The following ARHGAP24 variants were observed in gnomAD, a reference collection of about 807,000 sequenced individuals.
ARHGAP24 encodes rho GTPase-activating protein 24.
Under a neutral mutation model 76.4 loss-of-function variants are expected in ARHGAP24, and 50 were observed. The observed-to-expected ratio is 0.65, with a 90% CI of 0.52 to 0.83. The LOEUF is 0.83. ARHGAP24 is among the 40% of genes least tolerant of loss of function. The pLI is 0.00. For synonymous variants in ARHGAP24, 345 were observed against 323.3 expected (o/e 1.07, Z -0.72); for missense variants, 930 against 914.2 (o/e 1.02, Z -0.22).
At chr4:85,793,847 T>C (rs1376293734) in intron 3 of ARHGAP24, among the ~76,000 whole-genome samples, 1 of 152,188 alleles carries the variant, frequency 6.6e-6, no homozygotes, top group Non-Finnish European at 1.5e-5. Context: ...TGTGATTCAT[T>C]GTAAGCATAA....
intron 3 of ARHGAP24, among the ~76,000 whole-genome samples, chr4:85,889,264 G>A (rs1019597654): frequency 6.6e-6 from 1 of 152,182 alleles, no homozygotes; most frequent in African/African-American, 2.4e-5. Context: ...TTCCTGCTGA[G>A]AAAATGTTTA....
At chr4:85,942,649 G>A (rs1054441417) in intron 5 of ARHGAP24, among the ~76,000 whole-genome samples, 4 of 151,816 alleles carry the variant, frequency 2.6e-5, no homozygotes, top group African/African-American at 4.8e-5. Flanking sequence ...TTGAAATATT[G>A]GCAATGTAAT....
At chr4:85,672,784 T>C (rs1469233033) in intron 2 of ARHGAP24, among the ~76,000 whole-genome samples, 1 of 152,160 alleles carries the variant, frequency 6.6e-6, no homozygotes, top group Non-Finnish European at 1.5e-5. Flanking sequence ...AAAGGAGAAA[T>C]GGGAAATGCT....
chr4:85,908,534 A>G (rs754704038), intron 3 of ARHGAP24, among the ~76,000 whole-genome samples: 18 of 152,232 alleles, frequency 1.2e-4, no homozygotes, highest in Non-Finnish European at 2.1e-4. Context: ...AAAGGTACAC[A>G]TATCATTTAT....
At chr4:85,643,234 G>GTGTGTGTTTTTTTTTTTTT (rs1721592505) in intron 2 of ARHGAP24, among the ~76,000 whole-genome samples, 1 of 54,610 alleles carries the variant, frequency 1.8e-5, no homozygotes, top group African/African-American at 5.9e-5. Context: ...GTTTTTTTGT[G>GTGTGTGTTTTTTTTTTTTT]TTTTTTTTTT....
intron 2 of ARHGAP24, among the ~76,000 whole-genome samples, chr4:85,673,994 T>C (rs1321213788): frequency 6.6e-6 from 1 of 151,860 alleles, no homozygotes; most frequent in African/African-American, 2.4e-5. Context: ...TAATGTGTTG[T>C]TAATAATGCA....
intron 5 of ARHGAP24, 45 bp from the exon 6 acceptor site, chr4:85,971,989 GTA>G (rs748791387): frequency 1.2e-6 from 2 of 1,613,462 alleles, no homozygotes; most frequent in East Asian, 4.5e-5. Flanking sequence ...AAATAGAATG[GTA>G]TGAAGTTTAC....
At chr4:85,709,908 A>G (rs1724461396) in intron 2 of ARHGAP24, among the ~76,000 whole-genome samples, 1 of 152,234 alleles carries the variant, frequency 6.6e-6, no homozygotes, top group Admixed American at 6.5e-5. Context: ...CATGGATAGG[A>G]AGAACTAATA....
At chr4:85,574,686 T>A (rs1727299100) in intron 2 of ARHGAP24, among the ~76,000 whole-genome samples, 1 of 152,246 alleles carries the variant, frequency 6.6e-6, no homozygotes, top group African/African-American at 2.4e-5. Flanking sequence ...AAAGGAATCA[T>A]GACAGTTGTT....
chr4:85,629,949 T>A (rs542311134), intron 2 of ARHGAP24, among the ~76,000 whole-genome samples: 1 of 152,256 alleles, frequency 6.6e-6, no homozygotes, highest in East Asian at 1.9e-4. Flanking sequence ...CTTTCTCTGC[T>A]TCTTCTTTGG....
intron 7 of ARHGAP24, among the ~76,000 whole-genome samples, chr4:85,975,934 T>C (rs1739293279): frequency 6.6e-6 from 1 of 152,212 alleles, no homozygotes; most frequent in Non-Finnish European, 1.5e-5. Flanking sequence ...GTGATGATTA[T>C]ACTTAGAAGC....
intron 2 of ARHGAP24, among the ~76,000 whole-genome samples, chr4:85,613,398 C>T (rs1431459748): frequency 6.6e-6 from 1 of 152,098 alleles, no homozygotes; most frequent in East Asian, 1.9e-4. Context: ...TTATTAAATG[C>T]CTATTAGGTG....
chr4:85,738,308 C>T (rs1000024584), intron 3 of ARHGAP24, among the ~76,000 whole-genome samples: 1 of 151,562 alleles, frequency 6.6e-6, no homozygotes, highest in Non-Finnish European at 1.5e-5. Flanking sequence ...TGACCATTTG[C>T]ATATATCTCC....
intron 4 of ARHGAP24, among the ~76,000 whole-genome samples, chr4:85,931,414 G>A (rs926752997): frequency 2.1e-4 from 32 of 152,058 alleles, no homozygotes; most frequent in African/African-American, 7.2e-4. Context: ...CAGGGCCCTC[G>A]CAAATCCCTG....
At chr4:85,753,219 G>T (rs1042376466) in intron 3 of ARHGAP24, among the ~76,000 whole-genome samples, 10 of 152,270 alleles carry the variant, frequency 6.6e-5, no homozygotes, top group African/African-American at 2.4e-4. Flanking sequence ...AAATTGTATA[G>T]AGATGTTCTA....
At chr4:85,850,402 C>G (rs149281050) in intron 3 of ARHGAP24, among the ~76,000 whole-genome samples, 1 of 151,998 alleles carries the variant, frequency 6.6e-6, no homozygotes, top group Non-Finnish European at 1.5e-5. Flanking sequence ...AAAACCAGTT[C>G]GTGGATTCAT....
chr4:85,665,461 C>T (rs534972337), intron 2 of ARHGAP24, among the ~76,000 whole-genome samples: 131 of 152,126 alleles, frequency 8.6e-4, no homozygotes, highest in Non-Finnish European at 1.2e-3. Flanking sequence ...GTCTTGACTC[C>T]TTATCCAATT....
intron 2 of ARHGAP24, among the ~76,000 whole-genome samples, chr4:85,608,622 A>G (rs1156366172): frequency 7.8e-6 from 1 of 128,940 alleles, no homozygotes; most frequent in African/African-American, 3.0e-5. Flanking sequence ...CAATGGCATG[A>G]TCTCAGCTCA....
rs114781274 is a variant in ARHGAP24, at chr4:85,886,015, A to T, written c.269-37633A>T. Among the ~76,000 whole-genome samples, 922 of 152,274 alleles carry T rather than the reference A, an allele frequency of 6.1e-3. 16 individuals carry two copies. Among genetic ancestry groups the T allele is most frequent in the African/African-American group, 0.021 (886 of 41,560 alleles). ...GATAACTATTAATTAAAGTCACAAC[A>T]TTGCTATTCTAATGCCATAAAGAAT... On this transcript the variant is annotated intron_variant, in intron 3 of 9. Transcript: ENST00000395184.
Sources: gnomAD v4.1 joint callset for allele counts (sites outside exome capture counted in the v4.1 genomes callset) on GRCh38, gnomAD v4.1.1 for gene constraint, MANE v1.5 for transcripts, NCBI Gene and HGNC (gene_info 2026-07-23, HGNC 2026-07-21) for gene names.